The following ARMCX4 variants were observed in gnomAD, a reference collection of about 807,000 sequenced individuals.
ARMCX4 encodes the protein armadillo repeat containing X-linked 4.
In ARMCX4, 3 loss-of-function variants were observed where a neutral mutation model predicts 34.7. The observed-to-expected ratio is 0.09, with a 90% CI of 0.04 to 0.22. The LOEUF (loss-of-function observed/expected upper bound fraction) is 0.22. Among genes scored for constraint, ARMCX4 ranks in the 10% least tolerant of loss-of-function variants. The probability of loss-of-function intolerance (pLI) is 1.00; values close to 1 mark genes in which losing one functional copy is unlikely to be tolerated. For synonymous variants in ARMCX4, 513 were observed against 632.8 expected (o/e 0.81, Z 2.84); for missense variants, 1,448 against 1,720.8 (o/e 0.84, Z 2.81).
chrX:101,490,128 G>A lies in ARMCX4; in HGVS notation c.1539G>A (p.Met513Ile). ...GGGTGGATATGAAGGCTCAAGGTATGGCCCAGAGCCAGGGTGAAGCCTTAC... is the reference window on the plus strand; with the variant it reads ...GGGTGGATATGAAGGCTCAAGGTATAGCCCAGAGCCAGGGTGAAGCCTTAC... ...GAGVDMKAQGMAQSQGEALPN... is the reference protein window; with the variant it reads ...GAGVDMKAQGIAQSQGEALPN... Residue 513 changes from methionine (M) to isoleucine (I), a missense_variant, in exon 6 of 6, where the codon ATG (methionine) becomes ATA (isoleucine). By Grantham distance (10) the Met-to-Ile change is conservative. Around this residue, in one of 2 missense-constraint regions of ARMCX4, gnomAD observed 1,343 missense variants for 1,540.7 expected, o/e 0.87. Coordinates refer to ENST00000423738, the MANE Select transcript of ARMCX4 (RefSeq NM_001256155.3). 1.7e-6 allele frequency: 2 copies of A among 1,156,106 alleles called. No homozygotes were observed. Among genetic ancestry groups the A allele is most frequent in the Non-Finnish European group, 2.3e-6 (2 of 872,942 alleles).
In ARMCX4 at chrX:101,491,804, C is replaced by T. The variant is rs782073459; in HGVS notation, c.3215C>T (p.Pro1072Leu). ...GCAAAGCCTGAGGCTGAGGCCATGC[C>T]CACTTCTGAGAGTGAGGGTGGGTCA... Reference protein sequence around the residue: ...AYAKPEAEAMPTSESEGGSGT... With the variant: ...AYAKPEAEAMLTSESEGGSGT... The change falls in exon 6 of 6, where the codon CCC becomes CTC. Residue 1072 changes from proline to leucine, a missense_variant. Physicochemically the swap from Pro to Leu is moderately conservative, Grantham distance 98. Transcript: ENST00000423738. The T allele has an allele frequency of 1.7e-6, 2 of 1,156,503 alleles. No homozygotes were observed. Among genetic ancestry groups the T allele is most frequent in the South Asian group, 3.8e-5 (2 of 52,799 alleles).
At chrX:101,428,464 T>G (rs1929768632) in intron 2 of ARMCX4, among the ~76,000 whole-genome samples, 1 of 112,501 alleles carries the variant, frequency 8.9e-6, no homozygotes, top group African/African-American at 3.2e-5. Flanking sequence ...AGTGTATACA[T>G]ATCAATTTCA....
At chrX:101,434,719 G>A (rs1191557052) in intron 2 of ARMCX4, among the ~76,000 whole-genome samples, 2 of 108,906 alleles carry the variant, frequency 1.8e-5, no homozygotes, top group African/African-American at 3.3e-5. Flanking sequence ...CATGTGCCAT[G>A]TTGGTGTGCT....
chrX:101,420,374 C>CA, intron 2 of ARMCX4, among the ~76,000 whole-genome samples: 1 of 110,206 alleles, frequency 9.1e-6, no homozygotes, highest in South Asian at 3.8e-4. Flanking sequence ...AAAACAAAAA[C>CA]AAAAAAAAGA....
intron 2 of ARMCX4, among the ~76,000 whole-genome samples, chrX:101,436,251 GGATAT>G (rs1569316997): frequency 9.1e-6 from 1 of 110,012 alleles, no homozygotes; most frequent in Non-Finnish European, 1.9e-5. Flanking sequence ...GCCATTTTCA[GGATAT>G]TGATTCTTCC....
At chrX:101,437,539 T>C (rs1459116845) in intron 2 of ARMCX4, among the ~76,000 whole-genome samples, 8 of 111,815 alleles carry the variant, frequency 7.2e-5, no homozygotes, top group African/African-American at 2.3e-4. Flanking sequence ...TCTCTCTTTT[T>C]TTCTTTATTA....
intron 4 of ARMCX4, among the ~76,000 whole-genome samples, chrX:101,463,682 C>A (rs1428543263): frequency 9.0e-6 from 1 of 111,646 alleles, no homozygotes; most frequent in Admixed American, 9.5e-5. Context: ...TGCTCTATAA[C>A]AAAGAGGAAT....
intron 2 of ARMCX4, among the ~76,000 whole-genome samples, chrX:101,434,167 G>C (rs184686676): frequency 5.5e-5 from 6 of 109,790 alleles, no homozygotes; most frequent in Non-Finnish European, 1.1e-4. Flanking sequence ...GGCTGATCTT[G>C]AACTGCTGAG....
chrX:101,504,939 A>G (rs1556014777), exon 8 of ARMCX4: 1 of 111,803 alleles, frequency 8.9e-6, no homozygotes, highest in Admixed American at 9.5e-5. Flanking sequence ...TTTTTCAGAC[A>G]TAAAGGAGAA....
At chrX:101,476,596 T>TGA (rs1933199845) in intron 4 of ARMCX4, among the ~76,000 whole-genome samples, 1 of 110,903 alleles carries the variant, frequency 9.0e-6, no homozygotes, top group Admixed American at 9.7e-5. Context: ...AAAAAAAGCA[T>TGA]CTTCTAAATG....
Position 101,493,550 on chromosome X carries a change from C to T in ARMCX4, c.4961C>T (p.Ala1654Val). 8.7e-7 allele frequency: 1 copy of T among 1,154,651 alleles called. No individual in the cohort carries two copies. Among genetic ancestry groups the T allele is most frequent in the South Asian group, 1.9e-5 (1 of 52,641 alleles). ...TCCTGGATTGGGCCTGGGGATCAGG[C>T]TGTTGACTGTTCCAAGCCTGAATTT... ...GRSWIGPGDQ[A>V]VDCSKPEFED... The change falls in exon 6 of 6, where the codon GCT (alanine) becomes GTT (valine). Residue 1654 changes from alanine to valine, a missense_variant. Physicochemically the swap from Ala to Val is moderately conservative, Grantham distance 64. Transcript: ENST00000423738.
At chrX:101,423,089 T>C (rs1929376741) in intron 2 of ARMCX4, among the ~76,000 whole-genome samples, 1 of 107,530 alleles carries the variant, frequency 9.3e-6, no homozygotes, top group Non-Finnish European at 1.9e-5. Context: ...TTTGTATTTT[T>C]ACTAGAGACA....
chrX:101,469,936 G>T (rs924118042), intron 4 of ARMCX4, among the ~76,000 whole-genome samples: 2 of 111,892 alleles, frequency 1.8e-5, no homozygotes, highest in Non-Finnish European at 3.8e-5. Context: ...CTTAATTTGC[G>T]TATAATTAAA....
At chrX:101,496,273 C>A (rs1464513444), downstream of ARMCX4, among the ~76,000 whole-genome samples, 1 of 110,176 alleles carries the variant, frequency 9.1e-6, no homozygotes, top group African/African-American at 3.3e-5. Flanking sequence ...GGAGGAATGA[C>A]AAGACGAAAG....
chrX:101,533,103 C>T (rs1308622123), exon 13 of ARMCX4: 1 of 108,856 alleles, frequency 9.2e-6, no homozygotes, highest in African/African-American at 3.3e-5. Context: ...CCCCCAGACT[C>T]CATTTGTAAT....
At chrX:101,505,944 C>T (rs782426267) in intron 8 of ARMCX4, among the ~76,000 whole-genome samples, 22 of 112,054 alleles carry the variant, frequency 2.0e-4, no homozygotes, top group Non-Finnish European at 3.2e-4. Flanking sequence ...TGGGTTCAAG[C>T]GATTCTACTG....
At chrX:101,525,632 T>G (rs1283237165) in intron 11 of ARMCX4, among the ~76,000 whole-genome samples, 1 of 111,167 alleles carries the variant, frequency 9.0e-6, no homozygotes, top group East Asian at 2.8e-4. Context: ...TTAGGTGACC[T>G]AATGGAGCTG....
In ARMCX4 at chrX:101,525,425, G is replaced by A. The variant is rs376455083; in HGVS notation, c.*1781-6219G>A. ...AGCGCCTCTTCTCCTCCAAAGGATC[G>A]CAGCTCCTCACTAGCAATGGAATGA... On this transcript the variant is annotated intron_variant and NMD_transcript_variant, in intron 11 of 12. Coordinates refer to the ARMCX4 transcript ENST00000354842. Among the ~76,000 whole-genome samples, 594 of 111,781 alleles carry A rather than the reference G, an allele frequency of 5.3e-3. 9 individuals carry two copies. Among genetic ancestry groups the A allele is most frequent in the African/African-American group, 0.018 (553 of 30,749 alleles).
At chrX:101,480,157 C>CACACACACACACAG (rs1933382256) in intron 4 of ARMCX4, among the ~76,000 whole-genome samples, 2 of 104,612 alleles carry the variant, frequency 1.9e-5, no homozygotes, top group South Asian at 4.4e-4. Context: ...CACACACACA[C>CACACACACACACAG]ACACACACAC....
Sources: allele counts gnomAD v4.1 joint callset (sites outside exome capture counted in the v4.1 genomes callset), GRCh38; gene constraint gnomAD v4.1.1; regional missense constraint gnomAD v4.1.1; transcripts MANE v1.5; gene names NCBI Gene and HGNC (gene_info 2026-07-23, HGNC 2026-07-21).